The following DTNBP1 variants were observed in gnomAD, a reference collection of about 807,000 sequenced individuals.
The protein encoded by DTNBP1 is dysbindin.
Under a neutral mutation model 42.8 loss-of-function variants are expected in DTNBP1, and 35 were observed. The ratio of observed to expected loss-of-function variants is 0.82; its 90% CI spans 0.63 to 1.09. The LOEUF (loss-of-function observed/expected upper bound fraction) is 1.09, where lower values mean the gene tolerates loss of function less well. DTNBP1 is among the 50% of genes least tolerant of loss of function. The pLI is 0.00. For missense variants in DTNBP1, 457 were observed against 424.2 expected (o/e 1.08, Z -0.68); for synonymous variants, 171 against 162.2 (o/e 1.05, Z -0.41).
chr6:15,659,615 T>C (rs1279315177), intron 1 of DTNBP1, among the ~76,000 whole-genome samples: 1 of 149,528 alleles, frequency 6.7e-6, no homozygotes, highest in Non-Finnish European at 1.5e-5. Flanking sequence ...TGCAGTGGTG[T>C]GATCTCGGCT....
rs186367904 is a variant in DTNBP1, at chr6:15,580,200, C to T, written c.511+12859G>A. On this transcript the variant is annotated intron_variant, in intron 7 of 9. Coordinates refer to ENST00000344537, the MANE Select transcript of DTNBP1 (RefSeq NM_032122.5). ...ACAGTTCATAACAACAATAAAAAGC[C>T]GATAAATCACATTTTACCTCCCGTC... 3.8e-3 allele frequency among the ~76,000 whole-genome samples: 571 copies of T among 152,052 alleles called. 5 individuals are homozygous for T. Among genetic ancestry groups the T allele is most frequent in the African/African-American group, 0.013 (553 of 41,498 alleles).
At chr6:15,647,422 T>C (rs192055004) in intron 3 of DTNBP1, among the ~76,000 whole-genome samples, 46 of 151,948 alleles carry the variant, frequency 3.0e-4, no homozygotes, top group Non-Finnish European at 1.5e-5. Context: ...TAAGAAATTC[T>C]GGAGATTAAA....
At position 15,615,273 on chromosome 6, in the gene DTNBP1, T is replaced by A; in HGVS notation, c.482A>T (p.Asn161Ile). Reference protein sequence around the residue: ...QSQQLENYKKNKRKELETFKA... With the variant: ...QSQQLENYKKIKRKELETFKA... ...GCAAACTTTTCAAACTCACCTCTTATTTTTCTTGTAATTCTCCAGTTGCTG... is the reference window on the plus strand; with the variant it reads ...GCAAACTTTTCAAACTCACCTCTTAATTTTCTTGTAATTCTCCAGTTGCTG... Residue 161 changes from asparagine (N) to isoleucine (I), a missense_variant, in exon 6 of 10, where the codon AAT becomes ATT. Asn to Ile is a moderately radical substitution (Grantham distance 149). Transcript: ENST00000344537. The A allele has an allele frequency of 6.2e-7, 1 of 1,614,180 alleles. No homozygotes were observed. Among genetic ancestry groups the A allele is most frequent in the Non-Finnish European group, 8.5e-7 (1 of 1,180,012 alleles).
chr6:15,542,693 T>A (rs1181470612), intron 7 of DTNBP1, among the ~76,000 whole-genome samples: 1 of 151,956 alleles, frequency 6.6e-6, no homozygotes, highest in Non-Finnish European at 1.5e-5. Context: ...TTCTAATTAT[T>A]TGCATTTTTT....
chr6:15,522,892 A>AAT lies in DTNBP1; in HGVS notation c.*82_*83insAT. On this transcript the variant is annotated 3_prime_UTR_variant, in exon 10 of 10. Transcript: ENST00000344537. ...TTATGTAAAAATCAAGAACCTCTAT[A>AAT]AAACAACCTGGCTTTCCAGGTGGAA... is the stretch of plus-strand genomic sequence containing the variant. 6.2e-7 allele frequency: 1 copy of AAT among 1,612,358 alleles called. No individual in the cohort carries two copies.
intron 3 of DTNBP1, among the ~76,000 whole-genome samples, chr6:15,647,085 G>GTT (rs1468312300): frequency 2.6e-5 from 4 of 151,776 alleles, no homozygotes; most frequent in Admixed American, 2.0e-4. Flanking sequence ...ATGAGAGAAA[G>GTT]TTTTTGCAAA....
intron 6 of DTNBP1, among the ~76,000 whole-genome samples, chr6:15,594,476 A>C (rs1049750755): frequency 6.6e-6 from 1 of 151,842 alleles, no homozygotes; most frequent in African/African-American, 2.4e-5. Flanking sequence ...AAAAAAAAAA[A>C]AACGAAACAA....
intron 4 of DTNBP1, among the ~76,000 whole-genome samples, chr6:15,636,782 T>A (rs191412372): frequency 3.1e-4 from 47 of 152,222 alleles, no homozygotes; most frequent in African/African-American, 7.9e-4. Context: ...CCGACTTCCA[T>A]GTTTTGTTTT....
At chr6:15,653,289 C>T (rs1377849974) in intron 1 of DTNBP1, among the ~76,000 whole-genome samples, 1 of 152,174 alleles carries the variant, frequency 6.6e-6, no homozygotes, top group Non-Finnish European at 1.5e-5. Context: ...AGTACTCTCC[C>T]CTGATACTTC....
intron 7 of DTNBP1, among the ~76,000 whole-genome samples, chr6:15,547,854 C>G (rs936780936): frequency 1.3e-5 from 2 of 152,156 alleles, no homozygotes; most frequent in Non-Finnish European, 2.9e-5. Context: ...TTTTCAGAGA[C>G]AACATACAGA....
intron 7 of DTNBP1, among the ~76,000 whole-genome samples, chr6:15,576,952 G>C (rs1034232358): frequency 1.3e-5 from 2 of 152,172 alleles, no homozygotes; most frequent in Non-Finnish European, 2.9e-5. Context: ...AGATAGAGCA[G>C]AGAAAAGCCA....
intron 7 of DTNBP1, among the ~76,000 whole-genome samples, chr6:15,590,087 C>T (rs1014069830): frequency 6.6e-6 from 1 of 152,148 alleles, no homozygotes; most frequent in Non-Finnish European, 1.5e-5. Flanking sequence ...CGCCCACCAC[C>T]ACGCTGGGCT....
intron 7 of DTNBP1, among the ~76,000 whole-genome samples, chr6:15,536,968 GTA>G (rs1489728776): frequency 1.8e-4 from 27 of 152,336 alleles, no homozygotes; most frequent in Admixed American, 1.7e-3. Context: ...CTTGGGGCCT[GTA>G]GACCCTTTGT....
intron 4 of DTNBP1, among the ~76,000 whole-genome samples, chr6:15,636,181 G>GTTTTT (rs1760008067): frequency 2.2e-5 from 1 of 46,246 alleles, no homozygotes; most frequent in Non-Finnish European, 4.3e-5. Flanking sequence ...TTGAGACAGA[G>GTTTTT]TTTCTGTCAC....
chr6:15,601,850 T>TAA (rs1561984643), intron 6 of DTNBP1, among the ~76,000 whole-genome samples: 1 of 78,392 alleles, frequency 1.3e-5, no homozygotes, highest in African/African-American at 5.1e-5. Flanking sequence ...CATCTCAAAA[T>TAA]AAAAAAAGAA....
At chr6:15,578,699 A>C (rs1775688954) in intron 7 of DTNBP1, among the ~76,000 whole-genome samples, 1 of 152,240 alleles carries the variant, frequency 6.6e-6, no homozygotes, top group Non-Finnish European at 1.5e-5. Context: ...TAACAAGCTA[A>C]TATTTATTTC....
chr6:15,619,416 G>GA (rs1441179650), intron 5 of DTNBP1, among the ~76,000 whole-genome samples: 19 of 152,120 alleles, frequency 1.2e-4, no homozygotes, highest in African/African-American at 4.3e-4. Flanking sequence ...GAAACTGGGA[G>GA]AAAATCATTG....
chr6:15,528,947 G>A (rs1772611674), intron 8 of DTNBP1, among the ~76,000 whole-genome samples: 1 of 152,158 alleles, frequency 6.6e-6, no homozygotes, highest in South Asian at 2.1e-4. Flanking sequence ...AGAACAGCTG[G>A]TCTTAAAGCA....
intron 5 of DTNBP1, among the ~76,000 whole-genome samples, chr6:15,624,326 C>T (rs1275700900): frequency 6.6e-6 from 1 of 152,138 alleles, no homozygotes; most frequent in Non-Finnish European, 1.5e-5. Flanking sequence ...TCCCAGCATA[C>T]CCTTATTACT....
Sources: gnomAD v4.1 joint callset for allele counts (sites outside exome capture counted in the v4.1 genomes callset) on GRCh38, gnomAD v4.1.1 for gene constraint, MANE v1.5 for transcripts, NCBI Gene and HGNC (gene_info 2026-07-23, HGNC 2026-07-21) for gene names.